YTHDC2: variants seen among roughly 807,000 people sequenced by gnomAD.
YTHDC2 encodes YTH N6-methyladenosine RNA binding protein C2.
In YTHDC2, 45 loss-of-function variants were observed where a neutral mutation model predicts 174.9. That is an observed-to-expected ratio of 0.26 (90% confidence interval 0.20 to 0.33). The LOEUF is 0.33. YTHDC2 is among the 10% of genes least tolerant of loss of function. The pLI, the probability that YTHDC2 is intolerant of heterozygous loss-of-function variation, is 1.00. For synonymous variants in YTHDC2, 657 were observed against 574.5 expected, an observed-to-expected ratio of 1.14 and a Z score of -2.05; for missense variants, 1,650 against 1,723.7, an observed-to-expected ratio of 0.96 and a Z score of 0.76.
At chr5:113,588,411 G>T (rs1778810283) in intron 26 of YTHDC2, among the ~76,000 whole-genome samples, 1 of 151,800 alleles carries the variant, frequency 6.6e-6, no homozygotes, top group Non-Finnish European at 1.5e-5. Context: ...AGGGATCTTT[G>T]TTCATGAGGG....
At chr5:113,583,534 G>C (rs1778513817) in intron 25 of YTHDC2, 1 of 151,964 alleles carries the variant, frequency 6.6e-6, no homozygotes, top group Non-Finnish European at 1.5e-5. Flanking sequence ...GCCCAGGCTG[G>C]AGTGCAGTGG....
At chr5:113,569,658 G>A (rs1236124277) in intron 23 of YTHDC2, among the ~76,000 whole-genome samples, 1 of 152,138 alleles carries the variant, frequency 6.6e-6, no homozygotes. Flanking sequence ...GGTTGTAAGT[G>A]TGTGGTCTTA....
Position 113,561,957 on chromosome 5 carries a change from G to GGTGGGTGGGTGTGTGTGT in YTHDC2, c.2322+775_2322+776insGGTGGGTGTGTGTGTGTG, listed in dbSNP as rs1347716150. Reference sequence around the variant, plus strand: ...GATTTTCTGACCTCTATTAATTGTGGGTGTGTGTGTGTGTGTGTGTGTGTG... The same window carrying GGTGGGTGGGTGTGTGTGT: ...GATTTTCTGACCTCTATTAATTGTGGGTGGGTGGGTGTGTGTGTGTGTGTGTGTGTGTGTGTGTGTGTG... On this transcript the variant is annotated intron_variant, in intron 18 of 29. Transcript: ENST00000161863. Among the ~76,000 whole-genome samples, 141 of 134,948 alleles carry GGTGGGTGGGTGTGTGTGT rather than the reference G, an allele frequency of 1.0e-3. 1 individual carries two copies. Among genetic ancestry groups the GGTGGGTGGGTGTGTGTGT allele is most frequent in the Admixed American group, 1.4e-3 (18 of 12,990 alleles). The allele number at this position is 134,948 out of a possible 152,430, so 88.5% of individuals were successfully genotyped here. A position where few individuals can be genotyped will look rare whatever the true frequency, so the allele number is the denominator to read the frequency against.
At position 113,581,469 on chromosome 5, in the gene YTHDC2, G is replaced by T. The variant is rs199521744; in HGVS notation, c.3407G>T (p.Arg1136Leu). 6.2e-7 allele frequency: 1 copy of T among 1,612,936 alleles called. No individual in the cohort carries two copies. Among genetic ancestry groups the T allele is most frequent in the Non-Finnish European group, 8.5e-7 (1 of 1,179,568 alleles). Residue 1136 changes from arginine (R) to leucine (L), a missense_variant, in exon 25 of 30, where the codon CGC (arginine) becomes CTC (leucine). Physicochemically the swap from Arg to Leu is moderately radical, Grantham distance 102 (BLOSUM62 -2). Coordinates refer to ENST00000161863, the MANE Select transcript of YTHDC2 (RefSeq NM_022828.5). ...CAGAAGTGGCATAGCTTATTTTTAC[G>T]CCGAATGAGAGCTCCATCTAAACCT... The part of the protein sequence containing the change: ...LRQKWHSLFL[R>L]RMRAPSKPWS...
chr5:113,560,957 A>G (rs1202911633), intron 17 of YTHDC2, 123 bp from the exon 18 acceptor site: 4 of 726,642 alleles, frequency 5.5e-6, no homozygotes, highest in Non-Finnish European at 8.2e-6. Flanking sequence ...GAAACAGAAT[A>G]GGATTTAAAC....
At chr5:113,577,494 C>T (rs989493702) in intron 23 of YTHDC2, among the ~76,000 whole-genome samples, 2 of 151,894 alleles carry the variant, frequency 1.3e-5, no homozygotes, top group African/African-American at 2.4e-5. Flanking sequence ...CTCAGTCTCT[C>T]GAGTAGCTGG....
At chr5:113,525,843 G>A (rs572083797) in intron 3 of YTHDC2, among the ~76,000 whole-genome samples, 4 of 152,142 alleles carry the variant, frequency 2.6e-5, no homozygotes, top group African/African-American at 9.6e-5. Context: ...TTGTCTATTG[G>A]AATAGATCAG....
At chr5:113,543,897 A>T (rs536872902) in intron 10 of YTHDC2, among the ~76,000 whole-genome samples, 4 of 152,336 alleles carry the variant, frequency 2.6e-5, no homozygotes, top group Admixed American at 2.6e-4. Context: ...GTCTCTGCTT[A>T]CACATTGCCT....
At chr5:113,581,782 G>A (rs1360983916) in intron 25 of YTHDC2, 73 bp downstream of exon 25, 2 of 1,241,464 alleles carry the variant, frequency 1.6e-6, no homozygotes, top group African/African-American at 3.1e-5. Context: ...TTAGAATCAT[G>A]TGCTTTTATA....
At chr5:113,561,977 T>TGTGG in intron 18 of YTHDC2, among the ~76,000 whole-genome samples, 1 of 149,290 alleles carries the variant, frequency 6.7e-6, no homozygotes, top group Non-Finnish European at 1.5e-5. Context: ...TGTGTGTGTG[T>TGTGG]GTGTGTGTGT....
Position 113,532,997 on chromosome 5 carries a change from G to A in YTHDC2, c.794G>A (p.Arg265Gln), listed in dbSNP as rs145755313. Residue 265 changes from arginine to glutamine, a missense_variant, in exon 5 of 30, where the codon CGG becomes CAG. By Grantham distance (43) the Arg-to-Gln change is conservative (BLOSUM62 1). Around this residue, in one of 5 missense-constraint regions of YTHDC2, gnomAD observed 304 missense variants for 341.4 expected, o/e 0.89. Coordinates refer to ENST00000161863, the MANE Select transcript of YTHDC2 (RefSeq NM_022828.5). ...GCTGAAAGAGTTGCCGCAGAGAGAC[G>A]GGAAAGGATTGGTCAAACAATTGGT... Reference protein sequence around the residue: ...AVAERVAAERRERIGQTIGYQ... With the variant: ...AVAERVAAERQERIGQTIGYQ... 1.6e-4 allele frequency: 256 copies of A among 1,614,098 alleles called. No homozygotes were observed. The African/African-American group carries it at 3.1e-3, about 20-fold the overall frequency.
At chr5:113,537,279 C>T (rs1015266926) in intron 7 of YTHDC2, among the ~76,000 whole-genome samples, 1 of 151,332 alleles carries the variant, frequency 6.6e-6, no homozygotes, top group Non-Finnish European at 1.5e-5. Flanking sequence ...TGACATTAAC[C>T]TAATTGCCAA....
Position 113,535,779 on chromosome 5 carries a change from A to G in YTHDC2, c.1083A>G (p.Gly361=). The G allele has an allele frequency of 6.2e-7, 1 of 1,610,496 alleles. No homozygotes were observed. Among genetic ancestry groups the G allele is most frequent in the Non-Finnish European group, 8.5e-7 (1 of 1,178,530 alleles). Residue 361 remains glycine (G), a synonymous_variant, in exon 7 of 30, where the codon GGA becomes GGG. Transcript: ENST00000161863. ...TAAATCTCTTTATAAGATATTTTGG[A>G]AGTTGTCCAGTGATATATAGTAAGT... ...LDVNLFIRYF[G]SCPVIYIQGR... is the part of the protein sequence containing the mutation.
chr5:113,515,325 C>A lies in YTHDC2; in HGVS notation c.241C>A (p.Leu81Ile), dbSNP rs147079709. 231 of 1,612,790 alleles carry A rather than the reference C, an allele frequency of 1.4e-4. 1 individual carries two copies. In the African/African-American group the frequency reaches 2.8e-3, roughly 19 times the overall value. The stretch of plus-strand genomic sequence containing the variant: ...TACTGAAAGAGCCTTTATTCATCGA[C>A]TCAGTCAGTCTCTTGGTTTGGTCTC... The part of the protein sequence containing the change: ...TSTERAFIHR[L>I]SQSLGLVSKS... The change falls in exon 2 of 30, where the codon CTC (leucine) becomes ATC (isoleucine). Residue 81 changes from leucine to isoleucine, a missense_variant. Coordinates refer to ENST00000161863, the MANE Select transcript of YTHDC2 (RefSeq NM_022828.5).
At chr5:113,555,923 T>G in intron 16 of YTHDC2, 129 bp from the exon 17 acceptor site, 1 of 538,516 alleles carries the variant, frequency 1.9e-6, no homozygotes, top group Non-Finnish European at 3.3e-6. Context: ...GTACTGCTGT[T>G]TTAATTATTT....
chr5:113,545,762 A>G (rs1775840855), intron 10 of YTHDC2, among the ~76,000 whole-genome samples: 1 of 61,684 alleles, frequency 1.6e-5, no homozygotes, highest in Admixed American at 2.4e-4. Context: ...TTTTTTTGAG[A>G]CGGAGTCTCG....
rs1776408044 is a variant in YTHDC2, at chr5:113,553,582, TCTC to T, written c.1868-6_1868-4del. On this transcript the variant is annotated splice_polypyrimidine_tract_variant and splice_region_variant and intron_variant, in intron 13 of 29. Coordinates refer to ENST00000161863, the MANE Select transcript of YTHDC2 (RefSeq NM_022828.5). Reference sequence around the variant, plus strand: ...AGATTTAATATTAAAAAGTCATTCTTCTCCAAGGTGCAGTACTAATTTTTCTGC... The same window carrying T: ...AGATTTAATATTAAAAAGTCATTCTTCAAGGTGCAGTACTAATTTTTCTGC... The T allele has an allele frequency of 1.2e-6, 2 of 1,611,634 alleles. No homozygotes were observed. Among genetic ancestry groups the T allele is most frequent in the Non-Finnish European group, 1.7e-6 (2 of 1,178,748 alleles).
At chr5:113,523,702 C>T (rs2112543163) in intron 2 of YTHDC2, among the ~76,000 whole-genome samples, 1 of 151,948 alleles carries the variant, frequency 6.6e-6, no homozygotes, top group Non-Finnish European at 1.5e-5. Context: ...AAATCAAAAA[C>T]CTTGATAAAT....
chr5:113,556,390 C>G, intron 17 of YTHDC2: 1 of 264,348 alleles, frequency 3.8e-6, no homozygotes. Flanking sequence ...ACCAAAAATT[C>G]TAAACATATG....
Sources: gnomAD v4.1 joint callset for allele counts (sites outside exome capture counted in the v4.1 genomes callset) on GRCh38, gnomAD v4.1.1 for gene constraint, gnomAD v4.1.1 regional missense constraint, MANE v1.5 for transcripts, NCBI Gene and HGNC (gene_info 2026-07-23, HGNC 2026-07-21) for gene names.